The following CFAP47 variants were observed in gnomAD, a reference collection of about 807,000 sequenced individuals.
CFAP47 encodes cilia- and flagella-associated protein 47.
Under a neutral mutation model 148.1 loss-of-function variants are expected in CFAP47, and 29 were observed. The observed-to-expected ratio is 0.20, with a 90% CI of 0.15 to 0.27. The LOEUF (loss-of-function observed/expected upper bound fraction) is 0.27. Ranked by LOEUF, CFAP47 falls within the 10% of genes least tolerant of loss-of-function variation. The pLI, the probability that CFAP47 is intolerant of heterozygous loss-of-function variation, is 1.00. For missense variants in CFAP47, 1,872 were observed against 1,697.5 expected (o/e 1.10, Z -1.81); for synonymous variants, 664 against 577.3 (o/e 1.15, Z -2.15).
At position 36,138,432 on chromosome X, in the gene CFAP47, C is replaced by T. The variant is rs1338988547; in HGVS notation, c.5503C>T (p.Leu1835Phe). ...LHNCLIIVNT[L>F]YEIDFDVEIQ... Reference sequence around the variant, plus strand: ...CAATTGCCTGATTATTGTAAATACTCTTTATGAAATTGACTTTGACGTGGA... The same window carrying T: ...CAATTGCCTGATTATTGTAAATACTTTTTATGAAATTGACTTTGACGTGGA... Residue 1835 changes from leucine (L) to phenylalanine (F), a missense_variant, in exon 35 of 64, where the codon CTT becomes TTT. Physicochemically the swap from Leu to Phe is conservative, Grantham distance 22 (BLOSUM62 0). Coordinates refer to ENST00000378653, the MANE Select transcript of CFAP47 (RefSeq NM_001304548.2). 11 of 1,158,048 alleles carry T rather than the reference C, an allele frequency of 9.5e-6. No homozygotes were observed. The highest frequency in any genetic ancestry group is 1.1e-5 in the Non-Finnish European group (10 of 874,011).
At chrX:36,280,763 A>T (rs1376170313) in intron 50 of CFAP47, 133 bp downstream of exon 50, 1 of 334,248 alleles carries the variant, frequency 3.0e-6, no homozygotes, top group Non-Finnish European at 5.2e-6. Flanking sequence ...TAAGAATTTT[A>T]TTATTTCAGT....
At chrX:36,210,663 T>C (rs961188341) in intron 45 of CFAP47, among the ~76,000 whole-genome samples, 6 of 112,308 alleles carry the variant, frequency 5.3e-5, no homozygotes, top group Non-Finnish European at 1.1e-4. Flanking sequence ...GTTGTCTTTT[T>C]ACTCTCTTGA....
In CFAP47 at chrX:36,369,280, T is replaced by C. The variant is rs1201977431; in HGVS notation, c.9185+2153T>C. On this transcript the variant is annotated intron_variant, in intron 62 of 63. Transcript: ENST00000378653. Reference sequence around the variant, plus strand: ...AAAAAAACAAACTCTGACTCTTCTGTATTGAACCCTTATGGCCCTGTTATA... The same window carrying C: ...AAAAAAACAAACTCTGACTCTTCTGCATTGAACCCTTATGGCCCTGTTATA... Among the ~76,000 whole-genome samples, 3 of 111,271 alleles carry C rather than the reference T, an allele frequency of 2.7e-5. No homozygotes were observed. The East Asian group carries it at 8.4e-4, about 31-fold the overall frequency.
At chrX:35,924,195 A>G (rs1324927542) in intron 1 of CFAP47, among the ~76,000 whole-genome samples, 1 of 105,363 alleles carries the variant, frequency 9.5e-6, no homozygotes, top group Non-Finnish European at 1.9e-5. Context: ...ATGTATGTGT[A>G]TATATGGACA....
chrX:36,172,496 T>C (rs1447020527), intron 39 of CFAP47, among the ~76,000 whole-genome samples: 8 of 109,094 alleles, frequency 7.3e-5, no homozygotes, highest in Non-Finnish European at 1.1e-4. Context: ...TTATTGAGAG[T>C]TTTTAGCATG....
intron 1 of CFAP47, among the ~76,000 whole-genome samples, chrX:35,924,300 CAT>C (rs1263337984): frequency 4.6e-4 from 46 of 100,562 alleles, no homozygotes; most frequent in Non-Finnish European, 6.5e-4. Flanking sequence ...TATGTGTACA[CAT>C]ATGTATATAT....
At chrX:36,035,096 A>G (rs1937322779) in intron 23 of CFAP47, among the ~76,000 whole-genome samples, 1 of 110,930 alleles carries the variant, frequency 9.0e-6, no homozygotes, top group African/African-American at 3.3e-5. Context: ...AATTTCTCTG[A>G]CAGTGAGAAA....
chrX:36,265,313 T>C (rs1161761834), intron 49 of CFAP47, among the ~76,000 whole-genome samples: 1 of 112,200 alleles, frequency 8.9e-6, no homozygotes, highest in Non-Finnish European at 1.9e-5. Flanking sequence ...TCTGGTGGTG[T>C]CTGTGAGTTT....
chrX:36,347,645 C>G (rs1240068521), intron 57 of CFAP47, among the ~76,000 whole-genome samples: 1 of 111,409 alleles, frequency 9.0e-6, no homozygotes, highest in Admixed American at 9.5e-5. Context: ...ATGGATGAAG[C>G]TGGAAGCCAT....
intron 39 of CFAP47, among the ~76,000 whole-genome samples, chrX:36,174,923 C>A (rs1212397063): frequency 8.9e-6 from 1 of 111,906 alleles, no homozygotes; most frequent in Admixed American, 9.4e-5. Context: ...TTCTCCCCGT[C>A]ACTTTCAGGT....
intron 29 of CFAP47, among the ~76,000 whole-genome samples, chrX:36,073,969 G>A (rs1937802196): frequency 1.8e-5 from 2 of 111,967 alleles, no homozygotes; most frequent in South Asian, 7.4e-4. Flanking sequence ...TCAGCAATGA[G>A]GTAACTTGCT....
intron 1 of CFAP47, 59 bp from the exon 2 acceptor site, chrX:35,925,958 G>C: frequency 2.0e-6 from 2 of 993,682 alleles, no homozygotes; most frequent in Non-Finnish European, 2.7e-6. Context: ...CCCAGCCATG[G>C]TATTTTTTTT....
chrX:36,044,212 G>A (rs1048839144), intron 25 of CFAP47, among the ~76,000 whole-genome samples: 1 of 113,173 alleles, frequency 8.8e-6, no homozygotes, highest in African/African-American at 3.2e-5. Flanking sequence ...GATGGGAGGG[G>A]CTGTTATGAA....
chrX:36,181,620 A>G (rs1939750788), intron 40 of CFAP47, among the ~76,000 whole-genome samples: 1 of 111,884 alleles, frequency 8.9e-6, no homozygotes, highest in South Asian at 3.7e-4. Flanking sequence ...AAACAAAACA[A>G]AACAACAGCC....
intron 13 of CFAP47, among the ~76,000 whole-genome samples, chrX:35,974,067 T>G (rs902477761): frequency 1.8e-5 from 2 of 111,903 alleles, no homozygotes; most frequent in Admixed American, 1.9e-4. Context: ...ATAATAAACC[T>G]TTCCTTATAT....
chrX:36,022,358 C>T (rs188242750), intron 22 of CFAP47, among the ~76,000 whole-genome samples: 1 of 111,671 alleles, frequency 9.0e-6, no homozygotes, highest in East Asian at 2.8e-4. Flanking sequence ...CATGTTGGAG[C>T]TCCTATGTAT....
intron 2 of CFAP47, among the ~76,000 whole-genome samples, chrX:35,932,627 T>C (rs755086463): frequency 1.7e-4 from 18 of 108,384 alleles, no homozygotes; most frequent in Admixed American, 1.6e-3. Flanking sequence ...AACTTTATTA[T>C]ATTTAATTTT....
intron 42 of CFAP47, among the ~76,000 whole-genome samples, chrX:36,191,597 A>G (rs1439473942): frequency 4.5e-5 from 5 of 111,674 alleles, no homozygotes; most frequent in African/African-American, 1.6e-4. Context: ...CACGTTGCTA[A>G]TTATATTAAA....
Position 36,231,097 on chromosome X carries a change from C to CT in CFAP47, c.7014+2279dup, listed in dbSNP as rs1217041186. On this transcript the variant is annotated intron_variant, in intron 46 of 63. Coordinates refer to ENST00000378653, the MANE Select transcript of CFAP47 (RefSeq NM_001304548.2). ...TAGGATTGACTTGGCAATGCGGGCT[C>CT]TTTTTTGGTTCCATATTAACTTTAA... 1.3e-3 allele frequency among the ~76,000 whole-genome samples: 141 copies of CT among 109,602 alleles called. 1 individual carries two copies. The highest frequency in any genetic ancestry group is 4.6e-3 in the African/African-American group (137 of 29,549).
Sources: allele counts gnomAD v4.1 joint callset (sites outside exome capture counted in the v4.1 genomes callset), GRCh38; gene constraint gnomAD v4.1.1; transcripts MANE v1.5; gene names NCBI Gene and HGNC (gene_info 2026-07-23, HGNC 2026-07-21).